Variants in HSF2BP observed in about 807,000 individuals in gnomAD.
HSF2BP encodes heat shock transcription factor 2 binding protein, also known as heat shock factor 2-binding protein.
Under a neutral mutation model 35.0 loss-of-function variants are expected in HSF2BP, and 35 were observed. That is an observed-to-expected ratio of 1.00 (90% CI 0.76 to 1.32). The LOEUF (loss-of-function observed/expected upper bound fraction) is 1.32, where lower values mean the gene tolerates loss of function less well. Ranked by LOEUF, HSF2BP falls within the 40% of genes most tolerant of loss-of-function variation. The pLI, the probability that HSF2BP is intolerant of heterozygous loss-of-function variation, is 0.00. For synonymous variants in HSF2BP, 114 were observed against 117.4 expected (o/e 0.97, Z 0.18); for missense variants, 326 against 321.7 (o/e 1.01, Z -0.10).
chr21:43,636,121 C>T (rs1488510313), intron 4 of HSF2BP, among the ~76,000 whole-genome samples: 1 of 147,340 alleles, frequency 6.8e-6, no homozygotes, highest in Non-Finnish European at 1.5e-5. Context: ...CCTGGAAGGT[C>T]GAAGCTGAAG....
chr21:43,596,387 TACACACACACAC>T (rs112009393), intron 7 of HSF2BP, among the ~76,000 whole-genome samples: 1 of 147,350 alleles, frequency 6.8e-6, no homozygotes, highest in Non-Finnish European at 1.5e-5. Context: ...GCTAGTGAAA[TACACACACACAC>T]ACACACACAC....
At chr21:43,652,356 T>A (rs1301166234) in intron 3 of HSF2BP, among the ~76,000 whole-genome samples, 1 of 131,390 alleles carries the variant, frequency 7.6e-6, no homozygotes, top group African/African-American at 3.0e-5. Flanking sequence ...TGAGCTGAGA[T>A]CACACCACTG....
chr21:43,658,106 C>G lies in HSF2BP; in HGVS notation c.-10G>C, dbSNP rs1454690568. 1.3e-6 allele frequency: 2 copies of G among 1,530,214 alleles called. No homozygotes were observed. The highest frequency in any genetic ancestry group is 1.7e-6 in the Non-Finnish European group (2 of 1,142,942). The allele number at this position is 1,530,214 out of a possible 1,614,324, so 94.8% of individuals were successfully genotyped here. ...CGCCCGCTTCGCCCATGGCCGCTGCCGCCTCCGCTCCGTTCGCCTGAGCGT... is the reference window on the plus strand; with the variant it reads ...CGCCCGCTTCGCCCATGGCCGCTGCGGCCTCCGCTCCGTTCGCCTGAGCGT... On this transcript the variant is annotated 5_prime_UTR_variant, in exon 2 of 9. Transcript: ENST00000291560.
intron 7 of HSF2BP, among the ~76,000 whole-genome samples, chr21:43,603,691 C>G (rs2082078786): frequency 6.6e-6 from 1 of 152,156 alleles, no homozygotes; most frequent in Admixed American, 6.5e-5. Flanking sequence ...CTTGAGGGGC[C>G]TCCAAGGTCA....
chr21:43,643,629 A>T (rs2082668618), intron 4 of HSF2BP, among the ~76,000 whole-genome samples: 10 of 152,212 alleles, frequency 6.6e-5, no homozygotes, highest in Admixed American at 6.5e-4. Flanking sequence ...TCCAGCCACC[A>T]AAATCTTGAC....
rs1047584353 is a variant in HSF2BP at position 43,628,053 on chromosome 21, C to T, written c.574+2269G>A. ...GATTTTTCCAATGACTGGCCATTCC[C>T]GTTTCTCTCCCTCTCCTAGGAACTT... On this transcript the variant is annotated intron_variant, in intron 6 of 8. Transcript: ENST00000291560. Among the ~76,000 whole-genome samples the T allele has an allele frequency of 1.7e-4, 26 of 152,156 alleles. 1 individual carries two copies. Among genetic ancestry groups the T allele is most frequent in the Admixed American group, 1.4e-3 (22 of 15,272 alleles).
At chr21:43,575,938 C>T (rs1264953787) in intron 8 of HSF2BP, among the ~76,000 whole-genome samples, 8 of 151,996 alleles carry the variant, frequency 5.3e-5, no homozygotes, top group Non-Finnish European at 1.2e-4. Flanking sequence ...GCCAACATGG[C>T]GAAACCCCAT....
chr21:43,649,046 CATTT>C (rs1286314362), intron 3 of HSF2BP, among the ~76,000 whole-genome samples: 5 of 152,156 alleles, frequency 3.3e-5, no homozygotes, highest in African/African-American at 1.2e-4. Context: ...GCTCATCATT[CATTT>C]ATTTAATTAA....
chr21:43,585,118 G>A (rs936561340), intron 8 of HSF2BP, among the ~76,000 whole-genome samples: 2 of 151,980 alleles, frequency 1.3e-5, no homozygotes, highest in Non-Finnish European at 1.5e-5. Flanking sequence ...ACCAGCCTGG[G>A]CAACATAGTG....
At chr21:43,591,413 G>A (rs2081924188) in intron 8 of HSF2BP, among the ~76,000 whole-genome samples, 1 of 152,176 alleles carries the variant, frequency 6.6e-6, no homozygotes. Flanking sequence ...TAGAGAATGG[G>A]ATAGGCTGAT....
chr21:43,630,193 T>C (rs1041642555), intron 6 of HSF2BP, 129 bp downstream of exon 6: 2 of 688,514 alleles, frequency 2.9e-6, no homozygotes, highest in African/African-American at 1.8e-5. Context: ...CAGTATAGTG[T>C]AAACATAATT....
At chr21:43,618,564 A>G (rs142644120) in intron 6 of HSF2BP, among the ~76,000 whole-genome samples, 7 of 152,344 alleles carry the variant, frequency 4.6e-5, no homozygotes, top group African/African-American at 1.7e-4. Flanking sequence ...GGATATCCAC[A>G]TGCAAAGGAA....
intron 6 of HSF2BP, among the ~76,000 whole-genome samples, chr21:43,618,675 G>A (rs1230793193): frequency 2.0e-5 from 3 of 151,882 alleles, no homozygotes; most frequent in Admixed American, 6.6e-5. Context: ...AGTGGCTCAC[G>A]CCTGTAATCC....
At chr21:43,475,826 G>A in the HSF2BP span, 1 of 40,822 alleles carries the variant, frequency 2.4e-5, no homozygotes, top group Non-Finnish European at 4.2e-5. Flanking sequence ...ACTCCAGCCT[G>A]GGTGACAGAG....
At chr21:43,584,519 C>G (rs890082723) in intron 8 of HSF2BP, among the ~76,000 whole-genome samples, 3 of 152,180 alleles carry the variant, frequency 2.0e-5, no homozygotes, top group Non-Finnish European at 4.4e-5. Context: ...AAATGTTAAT[C>G]TTATCCAGAA....
chr21:43,580,851 C>T (rs1032388987), intron 8 of HSF2BP, among the ~76,000 whole-genome samples: 1 of 152,204 alleles, frequency 6.6e-6, no homozygotes, highest in African/African-American at 2.4e-5. Flanking sequence ...ATACAGTATT[C>T]TGACAATGCC....
In HSF2BP at chr21:43,630,397, A is replaced by G. The variant is rs1396716447; in HGVS notation, c.499T>C (p.Ser167Pro). ...AGCTCCTGGACATCACCGTCTAACGACTTCACAAAACTCTCCATTGTTTGA... is the reference window on the plus strand; with the variant it reads ...AGCTCCTGGACATCACCGTCTAACGGCTTCACAAAACTCTCCATTGTTTGA... ...TGQTMESFVK[S>P]LDGDVQELDS... Residue 167 changes from serine to proline, a missense_variant, in exon 6 of 9, where the codon TCG becomes CCG. Ser to Pro is a moderately conservative substitution (Grantham distance 74). Coordinates refer to ENST00000291560, the MANE Select transcript of HSF2BP (RefSeq NM_007031.2). The G allele has an allele frequency of 6.2e-7, 1 of 1,613,544 alleles. No homozygotes were observed. The highest frequency in any genetic ancestry group is 2.2e-5 in the East Asian group (1 of 44,856).
intron 3 of HSF2BP, among the ~76,000 whole-genome samples, chr21:43,653,152 A>T (rs1268985845): frequency 6.9e-6 from 1 of 145,110 alleles, no homozygotes; most frequent in Non-Finnish European, 1.5e-5. Flanking sequence ...AAAGAGAGAA[A>T]GAGAGACACA....
intron 5 of HSF2BP, among the ~76,000 whole-genome samples, chr21:43,631,685 C>T (rs971862342): frequency 3.9e-5 from 6 of 152,118 alleles, no homozygotes; most frequent in Non-Finnish European, 7.4e-5. Flanking sequence ...TCCCAACCTA[C>T]GTTTAAGCTT....
Sources: gnomAD v4.1 joint callset for allele counts (sites outside exome capture counted in the v4.1 genomes callset) on GRCh38, gnomAD v4.1.1 for gene constraint, MANE v1.5 for transcripts, NCBI Gene and HGNC (gene_info 2026-07-23, HGNC 2026-07-21) for gene names.